Variants in LRCH3 observed in about 807,000 individuals in gnomAD.
LRCH3 encodes DISP complex protein LRCH3.
Under a neutral mutation model 104.5 loss-of-function variants are expected in LRCH3, and 68 were observed. The observed-to-expected ratio is 0.65, with a 90% CI of 0.54 to 0.80. The LOEUF (loss-of-function observed/expected upper bound fraction) is 0.80. Ranked by LOEUF, LRCH3 falls within the 30% of genes least tolerant of loss-of-function variation. The probability of loss-of-function intolerance (pLI) is 0.00; values close to 1 mark genes in which losing one functional copy is unlikely to be tolerated. For synonymous variants in LRCH3, 344 were observed against 361.3 expected, an observed-to-expected ratio of 0.95 and a Z score of 0.54; for missense variants, 951 against 953.9, an observed-to-expected ratio of 1.00 and a Z score of 0.04.
Position 197,815,032 on chromosome 3 carries a change from T to G in LRCH3, c.387T>G (p.Ala129=). Residue 129 remains alanine, a synonymous_variant, in exon 2 of 21, where the codon GCT becomes GCG. Transcript: ENST00000425562. ...CAGAGGCAATTTTAAACCTACAAGC[T>G]CTAACATTCTTAAATATTAGGTAAG... is the stretch of plus-strand genomic sequence containing the variant. The part of the protein sequence containing the change: ...YIPEAILNLQ[A]LTFLNISRNQ... The G allele has an allele frequency of 1.3e-6, 2 of 1,512,852 alleles. No homozygotes were observed. Among genetic ancestry groups the G allele is most frequent in the Non-Finnish European group, 1.8e-6 (2 of 1,111,686 alleles). 93.7% of individuals were successfully genotyped at this position (1,512,852 alleles called of 1,614,324 possible). A position where few individuals can be genotyped will look rare whatever the true frequency, so the allele number is the denominator to read the frequency against.
At chr3:197,826,367 T>C (rs566133408) in intron 4 of LRCH3, among the ~76,000 whole-genome samples, 25 of 152,180 alleles carry the variant, frequency 1.6e-4, no homozygotes, top group Non-Finnish European at 3.4e-4. Context: ...GTGTAGACTT[T>C]GACTTAACTC....
At chr3:197,831,706 G>A (rs943560987) in intron 7 of LRCH3, among the ~76,000 whole-genome samples, 6 of 150,306 alleles carry the variant, frequency 4.0e-5, no homozygotes, top group African/African-American at 1.5e-4. Context: ...GCAGTGGCAC[G>A]ACCATGGCTC....
intron 5 of LRCH3, among the ~76,000 whole-genome samples, chr3:197,829,128 A>G (rs1400189399): frequency 6.6e-6 from 1 of 152,242 alleles, no homozygotes; most frequent in African/African-American, 2.4e-5. Flanking sequence ...CAACAGAAAT[A>G]TATGTAATGT....
chr3:197,837,259 T>G (rs1736951984), intron 9 of LRCH3, among the ~76,000 whole-genome samples: 2 of 152,184 alleles, frequency 1.3e-5, no homozygotes. Context: ...TCCTGGTCTT[T>G]CTCTTTGATC....
chr3:197,858,939 T>A (rs1198940363), intron 15 of LRCH3, 34 bp downstream of exon 15: 12 of 1,550,376 alleles, frequency 7.7e-6, no homozygotes, highest in Non-Finnish European at 1.1e-5. Flanking sequence ...CCAGGAAGTT[T>A]GGGGAGGAGG....
rs1044844953 is a variant in LRCH3, at chr3:197,856,053, C to T, written c.1644+1608C>T. On this transcript the variant is annotated intron_variant, in intron 14 of 20. Coordinates refer to ENST00000425562, the MANE Select transcript of LRCH3 (RefSeq NM_001365715.1). This position sits in a 1 kb window ranked among gnomAD's most constrained non-coding sequence, Gnocchi z 4.2. ...GGCTTGTGCCATACCAGCATTGTTT[C>T]CAGCTCTTCAAATATCATAAGCCCT... Among the ~76,000 whole-genome samples, 1 of 152,180 alleles carries T rather than the reference C, an allele frequency of 6.6e-6. No homozygotes were observed.
intron 1 of LRCH3, among the ~76,000 whole-genome samples, chr3:197,807,438 G>C (rs978304138): frequency 6.6e-6 from 1 of 151,916 alleles, no homozygotes. Flanking sequence ...AGCCAGGATA[G>C]TCTCGATCTC....
At chr3:197,830,993 A>G in intron 7 of LRCH3, 130 bp downstream of exon 7, 1 of 736,422 alleles carries the variant, frequency 1.4e-6, no homozygotes, top group Non-Finnish European at 2.3e-6. Context: ...GGTGGAGGCA[A>G]GATTCCCACC....
chr3:197,850,106 C>A (rs1016760698), intron 12 of LRCH3, among the ~76,000 whole-genome samples: 7 of 152,074 alleles, frequency 4.6e-5, no homozygotes, highest in African/African-American at 1.7e-4. Flanking sequence ...CTGAGGAAAT[C>A]TAAACAGGAT....
At position 197,887,651 on chromosome 3, in the gene LRCH3, CT is replaced by C. The variant is rs1195094095; in HGVS notation, c.*3986del. ...CAGTGTCTGGGGCTGAGAGCCCCCC[CT>C]AGCAGAGCCCTTCCCATCACTGACA... On this transcript the variant is annotated 3_prime_UTR_variant, in exon 21 of 21. Coordinates refer to ENST00000425562, the MANE Select transcript of LRCH3 (RefSeq NM_001365715.1). The C allele has an allele frequency of 3.5e-5, 5 of 143,100 alleles. No individual in the cohort carries two copies. The highest frequency in any genetic ancestry group is 2.0e-4 in the South Asian group (1 of 5,020). 8.9% of individuals were successfully genotyped at this position (143,100 alleles called of 1,614,324 possible).
chr3:197,848,121 A>AT (rs1739029525), intron 12 of LRCH3, 100 bp downstream of exon 12: 1 of 1,206,134 alleles, frequency 8.3e-7, no homozygotes, highest in Admixed American at 2.4e-5. Context: ...AATGTCGACC[A>AT]TTTTTCTCTC....
chr3:197,859,728 G>T (rs1740666475), intron 15 of LRCH3, among the ~76,000 whole-genome samples: 1 of 151,904 alleles, frequency 6.6e-6, no homozygotes, highest in Admixed American at 6.6e-5. Context: ...TTTCTTTCCA[G>T]AGTGGAGATT....
At chr3:197,830,980 C>A in intron 7 of LRCH3, 117 bp downstream of exon 7, 1 of 880,248 alleles carries the variant, frequency 1.1e-6, no homozygotes. Context: ...ACAGAAAAGT[C>A]AAGGTGGAGG....
chr3:197,795,907 G>A (rs1200788896), intron 1 of LRCH3, among the ~76,000 whole-genome samples: 2 of 151,766 alleles, frequency 1.3e-5, no homozygotes, highest in Non-Finnish European at 2.9e-5. Flanking sequence ...TGGCCAGGCT[G>A]GTCTCAATCT....
chr3:197,837,801 C>G (rs1361051170), intron 9 of LRCH3, among the ~76,000 whole-genome samples: 1 of 151,738 alleles, frequency 6.6e-6, no homozygotes. Context: ...AATCCCAGCA[C>G]TGTGGGAGGC....
At chr3:197,844,918 C>T (rs928713364) in intron 10 of LRCH3, among the ~76,000 whole-genome samples, 2 of 152,114 alleles carry the variant, frequency 1.3e-5, no homozygotes, top group African/African-American at 4.8e-5. Context: ...CCACTGCACC[C>T]GGCCCTGCTG....
Position 197,817,263 on chromosome 3 carries a change from TC to T in LRCH3, c.497del (p.Pro166GlnfsTer10). On this transcript the variant is annotated frameshift_variant, in exon 3 of 21. Coordinates refer to ENST00000425562, the MANE Select transcript of LRCH3 (RefSeq NM_001365715.1). LOFTEE classifies it high-confidence loss of function. ...IASNNKLVSL[P>X]EEIGHLRHLM... ...CTAGTAATAACAAATTGGTGTCACT[TC>T]CAGAAGAAATTGGACACCTTAGACA... 1 of 1,611,556 alleles carries T rather than the reference TC, an allele frequency of 6.2e-7. No homozygotes were observed. The highest frequency in any genetic ancestry group is 8.5e-7 in the Non-Finnish European group (1 of 1,178,960).
intron 1 of LRCH3, among the ~76,000 whole-genome samples, chr3:197,794,876 G>T (rs958190000): frequency 6.6e-6 from 1 of 151,928 alleles, no homozygotes; most frequent in Non-Finnish European, 1.5e-5. Context: ...GTAATGGCGG[G>T]TGCCTGTAAT....
At chr3:197,844,432 C>T (rs2109362234) in intron 10 of LRCH3, among the ~76,000 whole-genome samples, 1 of 152,144 alleles carries the variant, frequency 6.6e-6, no homozygotes, top group East Asian at 1.9e-4. Flanking sequence ...GTCTCTGTCA[C>T]CCAGGCTGGA....
Sources: allele counts gnomAD v4.1 joint callset (sites outside exome capture counted in the v4.1 genomes callset), GRCh38; gene constraint gnomAD v4.1.1; non-coding constraint Gnocchi (gnomAD v3.1); transcripts MANE v1.5; gene names NCBI Gene and HGNC (gene_info 2026-07-23, HGNC 2026-07-21).